Variants in PCDH9 observed in about 807,000 individuals in gnomAD.
PCDH9 encodes the protein protocadherin 9.
In PCDH9, 24 loss-of-function variants were observed where a neutral mutation model predicts 70.6. The ratio of observed to expected loss-of-function variants is 0.34; its 90% CI spans 0.25 to 0.48. The LOEUF is 0.48. Among genes scored for constraint, PCDH9 ranks in the 20% least tolerant of loss-of-function variants. The pLI, the probability that PCDH9 is intolerant of heterozygous loss-of-function variation, is 0.99. For missense variants in PCDH9, 1,281 were observed against 1,503.6 expected (o/e 0.85, Z 2.45); for synonymous variants, 562 against 558.5 (o/e 1.01, Z -0.09).
At chr13:67,010,115 G>A (rs2084425492) in intron 2 of PCDH9, among the ~76,000 whole-genome samples, 1 of 151,968 alleles carries the variant, frequency 6.6e-6, no homozygotes, top group East Asian at 1.9e-4. Flanking sequence ...CTAATGGGCA[G>A]GTACTGTGCT....
chr13:66,904,929 G>GA (rs1279867104), intron 2 of PCDH9, among the ~76,000 whole-genome samples: 1 of 151,858 alleles, frequency 6.6e-6, no homozygotes, highest in Non-Finnish European at 1.5e-5. Flanking sequence ...CTTTTAGCAT[G>GA]AAAAAATATT....
chr13:66,319,193 C>T (rs920470940), intron 4 of PCDH9, among the ~76,000 whole-genome samples: 1 of 151,864 alleles, frequency 6.6e-6, no homozygotes, highest in African/African-American at 2.4e-5. Flanking sequence ...CTTATGAAAC[C>T]ATGACATCTC....
chr13:66,662,076 T>G (rs2078017100), intron 3 of PCDH9, among the ~76,000 whole-genome samples: 1 of 152,100 alleles, frequency 6.6e-6, no homozygotes, highest in South Asian at 2.1e-4. Context: ...TGTGTATGTG[T>G]GTTAGGAAGT....
At chr13:66,329,058 A>G (rs576156363) in intron 4 of PCDH9, among the ~76,000 whole-genome samples, 1 of 152,306 alleles carries the variant, frequency 6.6e-6, no homozygotes, top group East Asian at 1.9e-4. Flanking sequence ...TTTAAGTTAA[A>G]TGCTGTATTT....
chr13:66,736,311 T>G (rs2079147558), intron 3 of PCDH9, among the ~76,000 whole-genome samples: 2 of 152,044 alleles, frequency 1.3e-5, no homozygotes, highest in South Asian at 4.1e-4. Context: ...TGGGTCCTAA[T>G]CCAATCCGAT....
At chr13:67,075,370 A>C (rs2085857973) in intron 2 of PCDH9, among the ~76,000 whole-genome samples, 1 of 152,118 alleles carries the variant, frequency 6.6e-6, no homozygotes, top group African/African-American at 2.4e-5. Flanking sequence ...TTCTGATTTG[A>C]CATAAAAACA....
At chr13:66,385,235 A>G (rs901948090) in intron 4 of PCDH9, among the ~76,000 whole-genome samples, 2 of 152,098 alleles carry the variant, frequency 1.3e-5, no homozygotes, top group African/African-American at 4.8e-5. Flanking sequence ...TTATGTACTT[A>G]CCTTGATTAC....
At chr13:67,229,563 T>C (rs916711405) in intron 1 of PCDH9, among the ~76,000 whole-genome samples, 1 of 152,220 alleles carries the variant, frequency 6.6e-6, no homozygotes, top group Non-Finnish European at 1.5e-5. Context: ...TGAGTAGGAC[T>C]GGTCAGTTCT....
chr13:66,537,957 T>A (rs1265609032), intron 4 of PCDH9, among the ~76,000 whole-genome samples: 1 of 152,160 alleles, frequency 6.6e-6, no homozygotes, highest in Non-Finnish European at 1.5e-5. Context: ...CTTTTCCTTT[T>A]ATCTTTTTAT....
chr13:67,030,303 A>C (rs2084877698), intron 2 of PCDH9, among the ~76,000 whole-genome samples: 1 of 152,182 alleles, frequency 6.6e-6, no homozygotes, highest in Non-Finnish European at 1.5e-5. Flanking sequence ...AAGACACAGC[A>C]GTCCATTCTA....
Position 66,876,549 on chromosome 13 carries a change from T to C in PCDH9, c.3138+26955A>G, listed in dbSNP as rs546218215. 3.3e-5 allele frequency among the ~76,000 whole-genome samples: 5 copies of C among 152,288 alleles called. No homozygotes were observed. The East Asian group carries it at 9.7e-4, about 29-fold the overall frequency. On this transcript the variant is annotated intron_variant, in intron 3 of 4. Transcript: ENST00000377865. The stretch of plus-strand genomic sequence containing the variant: ...ATGAATTTGAGGAAATGCCTGTTTA[T>C]CCAATGTCAGATATTTGATTTTTGT...
intron 4 of PCDH9, among the ~76,000 whole-genome samples, chr13:66,311,279 A>C (rs1310343376): frequency 2.6e-5 from 4 of 152,032 alleles, no homozygotes; most frequent in African/African-American, 9.7e-5. Flanking sequence ...TAGTATCTCC[A>C]GAATACTAAC....
chr13:66,652,007 C>T (rs780748031), intron 3 of PCDH9, among the ~76,000 whole-genome samples: 7 of 151,972 alleles, frequency 4.6e-5, no homozygotes, highest in Non-Finnish European at 8.8e-5. Flanking sequence ...AAATAACGTA[C>T]CGCAATACAA....
chr13:66,329,663 C>T (rs1464264605), intron 4 of PCDH9, among the ~76,000 whole-genome samples: 1 of 152,154 alleles, frequency 6.6e-6, no homozygotes, highest in African/African-American at 2.4e-5. Context: ...ACTTTTTAAC[C>T]CTTGTCAACC....
chr13:66,803,273 G>A (rs1036339892), intron 3 of PCDH9, among the ~76,000 whole-genome samples: 5 of 152,046 alleles, frequency 3.3e-5, no homozygotes, highest in African/African-American at 1.2e-4. Flanking sequence ...ACAGTAAATG[G>A]TCTGATTAAA....
chr13:66,667,718 A>G (rs1233914953), intron 3 of PCDH9, among the ~76,000 whole-genome samples: 2 of 152,174 alleles, frequency 1.3e-5, no homozygotes, highest in Non-Finnish European at 2.9e-5. Flanking sequence ...CCCTAAATAC[A>G]TAATTTATTC....
At chr13:66,889,921 C>A (rs2082068208) in intron 3 of PCDH9, among the ~76,000 whole-genome samples, 1 of 152,086 alleles carries the variant, frequency 6.6e-6, no homozygotes, top group African/African-American at 2.4e-5. Flanking sequence ...TTGGGGATAG[C>A]ATTTGGATAT....
At chr13:67,154,055 A>C (rs2087733794) in intron 2 of PCDH9, among the ~76,000 whole-genome samples, 2 of 152,234 alleles carry the variant, frequency 1.3e-5, no homozygotes, top group African/African-American at 2.4e-5. Flanking sequence ...AGGAAAAAGA[A>C]TAAAAATAAA....
chr13:66,774,178 T>C (rs1274273332), intron 3 of PCDH9, among the ~76,000 whole-genome samples: 2 of 152,140 alleles, frequency 1.3e-5, no homozygotes, highest in Non-Finnish European at 1.5e-5. Context: ...ATACAACCCT[T>C]CCTGAGTCTC....
Sources: gnomAD v4.1 joint callset for allele counts (sites outside exome capture counted in the v4.1 genomes callset) on GRCh38, gnomAD v4.1.1 for gene constraint, MANE v1.5 for transcripts, NCBI Gene and HGNC (gene_info 2026-07-23, HGNC 2026-07-21) for gene names.